Variants in MTRF1 observed in about 807,000 individuals in gnomAD.
The protein encoded by MTRF1 is peptide chain release factor 1, mitochondrial.
MTRF1 carries 51 observed loss-of-function variants against 62.9 expected under a neutral mutation model. The ratio of observed to expected loss-of-function variants is 0.81; its 90% CI spans 0.65 to 1.02. MTRF1 has a LOEUF of 1.02. MTRF1 is among the 50% of genes least tolerant of loss of function. MTRF1 has a pLI of 0.00. For missense variants in MTRF1, 446 were observed against 530.0 expected, an observed-to-expected ratio of 0.84 and a Z score of 1.56; for synonymous variants, 158 against 181.9, an observed-to-expected ratio of 0.87 and a Z score of 1.06.
chr13:41,240,102 G>A (rs146204247), intron 6 of MTRF1, among the ~76,000 whole-genome samples, 159 bp downstream of exon 6: 3 of 151,906 alleles, frequency 2.0e-5, no homozygotes, highest in African/African-American at 7.3e-5. Context: ...GGTGGAGGTT[G>A]CAGTGAGCAG....
In MTRF1 at chr13:41,240,274, G is replaced by GCA. The variant is rs1566110930; in HGVS notation, c.856_857insTG (p.Pro286LeufsTer9). The GCA allele has an allele frequency of 1.2e-6, 2 of 1,608,148 alleles. No individual in the cohort carries two copies. Among genetic ancestry groups the GCA allele is most frequent in the Non-Finnish European group, 1.7e-6 (2 of 1,177,102 alleles). ...TCCTGAGGTTACCTCATCTGGCTGA[G>GCA]GAAGGACAATAACCGACATCGTTCC... is the stretch of plus-strand genomic sequence containing the variant. On this transcript the variant is annotated frameshift_variant, in exon 6 of 10. Coordinates refer to ENST00000379480, the MANE Select transcript of MTRF1 (RefSeq NM_004294.4). LOFTEE classifies it high-confidence loss of function.
At chr13:41,271,551 T>C in the MTRF1 span, among the ~76,000 whole-genome samples, 2 of 152,176 alleles carry the variant, frequency 1.3e-5, no homozygotes, top group Non-Finnish European at 2.9e-5. Flanking sequence ...TCCATCGTCT[T>C]TCATGTTTTA....
At chr13:41,300,112 CT>C in the MTRF1 span, among the ~76,000 whole-genome samples, 1 of 152,130 alleles carries the variant, frequency 6.6e-6, no homozygotes, top group Non-Finnish European at 1.5e-5. Context: ...TGGAGGTCTG[CT>C]TTAGGTCCCG....
At chr13:41,217,303 AT>A (rs1355231644) in intron 9 of MTRF1, 75 bp from the exon 10 acceptor site, 9 of 850,036 alleles carry the variant, frequency 1.1e-5, no homozygotes, top group East Asian at 2.5e-5. Flanking sequence ...TATTTATTTA[AT>A]TTCTTTGCAG....
chr13:41,308,727 A>G, the MTRF1 span, among the ~76,000 whole-genome samples: 1 of 151,882 alleles, frequency 6.6e-6, no homozygotes, highest in Non-Finnish European at 1.5e-5. Context: ...TTTTCTTTCC[A>G]TTTTTTATTT....
the MTRF1 span, among the ~76,000 whole-genome samples, chr13:41,308,548 G>T: frequency 6.6e-6 from 1 of 152,164 alleles, no homozygotes; most frequent in Non-Finnish European, 1.5e-5. Context: ...GGTGCTGAGA[G>T]GAGGCACTTC....
At chr13:41,300,585 CAAAAAA>C in the MTRF1 span, among the ~76,000 whole-genome samples, 1 of 75,436 alleles carries the variant, frequency 1.3e-5, no homozygotes. Context: ...GACTCCGTCT[CAAAAAA>C]AAAAAAAAAA....
At chr13:41,307,398 G>C in the MTRF1 span, among the ~76,000 whole-genome samples, 1 of 152,110 alleles carries the variant, frequency 6.6e-6, no homozygotes, top group South Asian at 2.1e-4. Context: ...GGCTGAGGCG[G>C]GTGGATCACA....
chr13:41,292,191 C>CTGG, the MTRF1 span, among the ~76,000 whole-genome samples: 1 of 152,190 alleles, frequency 6.6e-6, no homozygotes, highest in Non-Finnish European at 1.5e-5. Flanking sequence ...GCAAACCAGA[C>CTGG]TGGTAAACAA....
intron 3 of MTRF1, among the ~76,000 whole-genome samples, chr13:41,253,375 C>A (rs765717318): frequency 1.3e-5 from 2 of 152,188 alleles, no homozygotes; most frequent in African/African-American, 2.4e-5. Context: ...CTTCTTTCAT[C>A]TAATGAATGA....
chr13:41,247,112 A>C (rs1483396377), intron 5 of MTRF1, among the ~76,000 whole-genome samples: 1 of 152,224 alleles, frequency 6.6e-6, no homozygotes, highest in Non-Finnish European at 1.5e-5. Flanking sequence ...TTTTGTGAGG[A>C]ATAACTGAGA....
the MTRF1 span, among the ~76,000 whole-genome samples, chr13:41,306,045 G>A: frequency 3.9e-5 from 6 of 152,148 alleles, no homozygotes; most frequent in Non-Finnish European, 7.4e-5. Context: ...AAAGGGATGA[G>A]ATGAAGAACT....
At chr13:41,218,281 ATTTTTTTTTTTT>A (rs199717534) in intron 9 of MTRF1, among the ~76,000 whole-genome samples, 3 of 117,832 alleles carry the variant, frequency 2.5e-5, no homozygotes, top group South Asian at 2.3e-4. Flanking sequence ...CACCCAGCTA[ATTTTTTTTTTTT>A]TTTTTTTTTT....
At chr13:41,220,322 C>CG (rs141282325) in intron 9 of MTRF1, among the ~76,000 whole-genome samples, 1 of 59,792 alleles carries the variant, frequency 1.7e-5, no homozygotes, top group Non-Finnish European at 3.2e-5. Context: ...GAATCTGTCT[C>CG]GGAAAAAAAA....
the MTRF1 span, among the ~76,000 whole-genome samples, chr13:41,274,886 T>C: frequency 6.6e-6 from 1 of 152,050 alleles, no homozygotes; most frequent in Non-Finnish European, 1.5e-5. Context: ...GTGCTGGGAT[T>C]ACAGACATGA....
chr13:41,295,741 A>AGT, the MTRF1 span, among the ~76,000 whole-genome samples: 1 of 152,128 alleles, frequency 6.6e-6, no homozygotes, highest in Non-Finnish European at 1.5e-5. Context: ...ATTATTTAAC[A>AGT]GTGACCTGTG....
At chr13:41,257,709 G>T in intron 2 of MTRF1, 2 of 414,048 alleles carry the variant, frequency 4.8e-6, no homozygotes, top group South Asian at 3.4e-5. Flanking sequence ...GAGGTTGGAG[G>T]ATTGCTTGAG....
the MTRF1 span, among the ~76,000 whole-genome samples, chr13:41,295,762 G>C: frequency 2.9e-4 from 44 of 152,048 alleles, no homozygotes; most frequent in African/African-American, 9.9e-4. Context: ...ATTCTGTTTT[G>C]TTTTTCGGAT....
At chr13:41,272,369 A>G in the MTRF1 span, among the ~76,000 whole-genome samples, 1 of 152,240 alleles carries the variant, frequency 6.6e-6, no homozygotes, top group Non-Finnish European at 1.5e-5. Flanking sequence ...TGTTTGTTTT[A>G]AAGATGGGAA....
Sources: allele counts gnomAD v4.1 joint callset (sites outside exome capture counted in the v4.1 genomes callset), GRCh38; gene constraint gnomAD v4.1.1; transcripts MANE v1.5; gene names NCBI Gene and HGNC (gene_info 2026-07-23, HGNC 2026-07-21).